DUSP19: variants seen among roughly 807,000 people sequenced by gnomAD.
DUSP19 encodes the protein dual specificity protein phosphatase 19.
In DUSP19, 14 loss-of-function variants were observed where a neutral mutation model predicts 16.6. The ratio of observed to expected loss-of-function variants is 0.84; its 90% CI spans 0.56 to 1.32. The LOEUF (loss-of-function observed/expected upper bound fraction) is 1.32. Ranked by LOEUF, DUSP19 falls within the 40% of genes most tolerant of loss-of-function variation. The pLI, the probability that DUSP19 is intolerant of heterozygous loss-of-function variation, is 0.00. For synonymous variants in DUSP19, 81 were observed against 90.5 expected (o/e 0.90, Z 0.59); for missense variants, 258 against 255.9 (o/e 1.01, Z -0.06).
rs1699805771 is a variant in DUSP19 at position 183,096,572 on chromosome 2, TTTC to T, written c.*917_*919del. 3.7e-4 allele frequency: 1 copy of T among 2,724 alleles called. No individual in the cohort carries two copies. The highest frequency in any genetic ancestry group is 6.8e-4 in the Non-Finnish European group (1 of 1,464). The allele number at this position is 2,724 out of a possible 1,614,324, so 0.2% of individuals were successfully genotyped here. ...TTTTCAATTCTGTTATCGGCATTTC[TTTC>T]TTTTTTTTTTTAATGTATAGGTGTT... On this transcript the variant is annotated 3_prime_UTR_variant, in exon 4 of 4. Coordinates refer to ENST00000354221, the MANE Select transcript of DUSP19 (RefSeq NM_080876.4).
intron 3 of DUSP19, among the ~76,000 whole-genome samples, chr2:183,090,465 T>C (rs193069558): frequency 2.4e-3 from 365 of 152,356 alleles, no homozygotes; most frequent in Non-Finnish European, 3.8e-3. Context: ...GTACAAAAGG[T>C]ACAAAGTATA....
At chr2:183,091,008 G>A (rs1699725229) in intron 3 of DUSP19, among the ~76,000 whole-genome samples, 1 of 152,178 alleles carries the variant, frequency 6.6e-6, no homozygotes, top group Admixed American at 6.5e-5. Flanking sequence ...TTGGTCCTCA[G>A]TTCCTTCCTG....
At chr2:183,084,793 A>T (rs1189976010) in intron 2 of DUSP19, among the ~76,000 whole-genome samples, 2 of 152,236 alleles carry the variant, frequency 1.3e-5, no homozygotes, top group African/African-American at 4.8e-5. Flanking sequence ...ACTGGTTATA[A>T]AGCTATTGCA....
At chr2:183,082,836 TCCTCCCTCCCTCCCTC>T (rs767449071) in intron 1 of DUSP19, among the ~76,000 whole-genome samples, 1 of 144,342 alleles carries the variant, frequency 6.9e-6, no homozygotes, top group Non-Finnish European at 1.5e-5. Context: ...GTTCCTTCCT[TCCTCCCTCCCTCCCTC>T]CCTCCCTCCC....
At chr2:183,083,605 T>C in intron 2 of DUSP19, 51 bp downstream of exon 2, 1 of 1,508,508 alleles carries the variant, frequency 6.6e-7, no homozygotes, top group South Asian at 1.2e-5. Context: ...ATTTTAATTG[T>C]TTTATTTAGG....
At chr2:183,084,601 C>T (rs1270424501) in intron 2 of DUSP19, among the ~76,000 whole-genome samples, 1 of 151,934 alleles carries the variant, frequency 6.6e-6, no homozygotes, top group African/African-American at 2.4e-5. Context: ...AAGCATGAGC[C>T]AGATCACAAA....
In DUSP19 at chr2:183,097,157, C is replaced by T. The variant is rs1699814775; in HGVS notation, c.*1499C>T. 6.6e-6 allele frequency: 1 copy of T among 151,954 alleles called. No homozygotes were observed. The highest frequency in any genetic ancestry group is 1.5e-5 in the Non-Finnish European group (1 of 68,122). 9.4% of individuals were successfully genotyped at this position (151,954 alleles called of 1,614,324 possible). ...CCTCCCACCTCAGTCTCCTGAGTAG[C>T]TGAGACTACAGCTGTGCGCCACCAC... On this transcript the variant is annotated 3_prime_UTR_variant, in exon 4 of 4. Transcript: ENST00000354221.
At chr2:183,086,828 G>C (rs1233853093) in intron 2 of DUSP19, among the ~76,000 whole-genome samples, 1 of 149,774 alleles carries the variant, frequency 6.7e-6, no homozygotes, top group Non-Finnish European at 1.5e-5. Context: ...GTCTCTGCAT[G>C]ATGATAATAA....
chr2:183,083,937 C>G (rs141202240), intron 2 of DUSP19, among the ~76,000 whole-genome samples: 231 of 152,278 alleles, frequency 1.5e-3, no homozygotes, highest in African/African-American at 5.2e-3. Context: ...TCCAGCCACT[C>G]TACTCCATAC....
intron 2 of DUSP19, among the ~76,000 whole-genome samples, chr2:183,086,829 A>T (rs114540790): frequency 1.3e-3 from 195 of 149,922 alleles, no homozygotes; most frequent in African/African-American, 4.5e-3. Context: ...TCTCTGCATG[A>T]TGATAATAAT....
Position 183,089,922 on chromosome 2 carries a change from C to T in DUSP19, c.426+2730C>T, listed in dbSNP as rs568376818. On this transcript the variant is annotated intron_variant, in intron 3 of 3. Coordinates refer to ENST00000354221, the MANE Select transcript of DUSP19 (RefSeq NM_080876.4). ...CCTAGTAGCTGGGATTACAGGTGCG[C>T]ACCACCATGCCTGGCTAATTTTTGT... 1.6e-4 allele frequency among the ~76,000 whole-genome samples: 25 copies of T among 152,228 alleles called. No individual in the cohort carries two copies. In the Middle Eastern group the frequency reaches 0.01, roughly 62 times the overall value.
At chr2:183,092,210 A>G (rs904637513) in intron 3 of DUSP19, among the ~76,000 whole-genome samples, 6 of 152,214 alleles carry the variant, frequency 3.9e-5, no homozygotes, top group Non-Finnish European at 7.3e-5. Context: ...GCTGTCAAGC[A>G]CTTGCAGACT....
intron 2 of DUSP19, among the ~76,000 whole-genome samples, chr2:183,085,859 T>G (rs796760864): frequency 2.8e-3 from 325 of 116,466 alleles, no homozygotes; most frequent in African/African-American, 0.01. Context: ...TTTTTTTTTT[T>G]TTTTTTTTTT....
chr2:183,093,480 C>G (rs1699757998), intron 3 of DUSP19, among the ~76,000 whole-genome samples: 1 of 151,852 alleles, frequency 6.6e-6, no homozygotes, highest in South Asian at 2.1e-4. Context: ...CATAGGACAA[C>G]AGCAAGTGCA....
At chr2:183,086,928 G>A (rs1461122856) in intron 2 of DUSP19, 112 bp from the exon 3 acceptor site, 3 of 950,384 alleles carry the variant, frequency 3.2e-6, no homozygotes, top group Non-Finnish European at 4.7e-6. Flanking sequence ...ATTCAAGTGA[G>A]TCGCATTTAA....
intron 3 of DUSP19, among the ~76,000 whole-genome samples, chr2:183,088,446 G>A (rs1256322416): frequency 7.8e-6 from 1 of 127,830 alleles, no homozygotes; most frequent in Non-Finnish European, 1.6e-5. Flanking sequence ...TCACTCTGTC[G>A]CCAGGCTGGA....
rs746248531 is a variant in DUSP19, at chr2:183,095,481, A to C, written c.477A>C (p.Ala159=). The change falls in exon 4 of 4, where the codon GCA becomes GCC. Residue 159 remains alanine, a synonymous_variant. Coordinates refer to ENST00000354221, the MANE Select transcript of DUSP19 (RefSeq NM_080876.4). ...ATGCAGGCGTTTCCAGGGCTGCTGC[A>C]ATTGTAATAGGTTTCCTGATGAATT... ...HCNAGVSRAA[A]IVIGFLMNSE... is the part of the protein sequence containing the mutation. The C allele has an allele frequency of 3.7e-6, 6 of 1,613,634 alleles. No homozygotes were observed. The highest frequency in any genetic ancestry group is 5.1e-6 in the Non-Finnish European group (6 of 1,179,866).
chr2:183,093,328 A>G (rs1246610152), intron 3 of DUSP19, among the ~76,000 whole-genome samples: 1 of 152,246 alleles, frequency 6.6e-6, no homozygotes, highest in Non-Finnish European at 1.5e-5. Flanking sequence ...TGGAATAACT[A>G]CTATATGCCA....
chr2:183,084,629 G>C (rs1699637500), intron 2 of DUSP19, among the ~76,000 whole-genome samples: 1 of 152,126 alleles, frequency 6.6e-6, no homozygotes, highest in Non-Finnish European at 1.5e-5. Context: ...GTAAGCCAAA[G>C]TTAGTTGTGT....
Sources: allele counts gnomAD v4.1 joint callset (sites outside exome capture counted in the v4.1 genomes callset), GRCh38; gene constraint gnomAD v4.1.1; transcripts MANE v1.5; gene names NCBI Gene and HGNC (gene_info 2026-07-23, HGNC 2026-07-21).